DYM: variants seen among roughly 807,000 people sequenced by gnomAD.
The protein encoded by DYM is dymeclin, also known as dyggve-Melchior-Clausen syndrome protein.
A neutral mutation model predicts 93.1 loss-of-function variants in DYM; 78 were observed. The ratio of observed to expected loss-of-function variants is 0.84; its 90% confidence interval spans 0.70 to 1.01. The LOEUF is 1.01. Among genes scored for constraint, DYM ranks in the 50% least tolerant of loss-of-function variants. The pLI is 0.00. For synonymous variants in DYM, 321 were observed against 319.7 expected, an observed-to-expected ratio of 1.00 and a Z score of -0.04; for missense variants, 789 against 845.0, an observed-to-expected ratio of 0.93 and a Z score of 0.82.
chr18:49,409,782 T>C (rs1218821854), intron 2 of DYM, among the ~76,000 whole-genome samples: 2 of 152,174 alleles, frequency 1.3e-5, no homozygotes, highest in East Asian at 3.8e-4. Flanking sequence ...TATGAAAATA[T>C]GCAAGAGGTA....
chr18:49,159,999 T>C (rs1234355966), intron 15 of DYM, among the ~76,000 whole-genome samples: 1 of 152,180 alleles, frequency 6.6e-6, no homozygotes, highest in Non-Finnish European at 1.5e-5. Flanking sequence ...CAAACTTCTC[T>C]GAAAGTTCAG....
At position 49,209,709 on chromosome 18, in the gene DYM, G is replaced by A; in HGVS notation, c.1467C>T (p.Thr489=). 7.9e-7 allele frequency: 1 copy of A among 1,269,680 alleles called. No individual in the cohort carries two copies. The highest frequency in any genetic ancestry group is 1.0e-6 in the Non-Finnish European group (1 of 977,484). 78.7% of individuals were successfully genotyped at this position (1,269,680 alleles called of 1,614,324 possible). A position where few individuals can be genotyped will look rare whatever the true frequency, so the allele number is the denominator to read the frequency against. ...AAACATATCTCCGCAAGTGGCGGCAGGTATAACTGAAAGACAAAGGTAAAA... is the reference window on the plus strand; with the variant it reads ...AAACATATCTCCGCAAGTGGCGGCAAGTATAACTGAAAGACAAAGGTAAAA... ...QYAAQRIISY[T]CRHLRRYVYV... is the part of the protein sequence containing the mutation. Residue 489 remains threonine (T), a synonymous_variant, in exon 14 of 18, where the codon ACC becomes ACT. Transcript: ENST00000675505.
At chr18:49,164,763 A>G (rs2087650068) in intron 14 of DYM, among the ~76,000 whole-genome samples, 1 of 152,200 alleles carries the variant, frequency 6.6e-6, no homozygotes, top group South Asian at 2.1e-4. Flanking sequence ...GGGATATTGG[A>G]GCTCCAACCA....
chr18:49,195,620 C>T (rs1421958667), intron 14 of DYM, among the ~76,000 whole-genome samples: 1 of 152,114 alleles, frequency 6.6e-6, no homozygotes, highest in Non-Finnish European at 1.5e-5. Flanking sequence ...GCCAAAGCAC[C>T]CTACCCACTC....
intron 2 of DYM, among the ~76,000 whole-genome samples, chr18:49,407,379 A>C (rs1421675291): frequency 1.3e-5 from 2 of 152,200 alleles, no homozygotes; most frequent in Non-Finnish European, 2.9e-5. Context: ...CCGGAGCCTG[A>C]GTAATTTATA....
chr18:49,270,566 T>C (rs1011310485), intron 11 of DYM, among the ~76,000 whole-genome samples: 13 of 152,150 alleles, frequency 8.5e-5, no homozygotes, highest in African/African-American at 1.2e-4. Flanking sequence ...GAGAGTATCA[T>C]TGCTCTTGCC....
chr18:49,381,556 C>A (rs1237785845), intron 3 of DYM, among the ~76,000 whole-genome samples: 1 of 152,232 alleles, frequency 6.6e-6, no homozygotes, highest in African/African-American at 2.4e-5. Context: ...ATACTCCTAA[C>A]TGAAGCTGAC....
chr18:49,100,970 A>G (rs1326364163), intron 16 of DYM, among the ~76,000 whole-genome samples: 2 of 152,226 alleles, frequency 1.3e-5, no homozygotes, highest in African/African-American at 4.8e-5. Flanking sequence ...TGTTCAGCCA[A>G]ACCTTTCAGA....
intron 14 of DYM, among the ~76,000 whole-genome samples, chr18:49,186,325 C>G (rs1185815619): frequency 1.3e-5 from 2 of 152,120 alleles, no homozygotes; most frequent in Admixed American, 6.5e-5. Flanking sequence ...ATTTAAAGCA[C>G]AACTTTTTTT....
intron 15 of DYM, among the ~76,000 whole-genome samples, chr18:49,158,722 C>T (rs1207598887): frequency 6.6e-6 from 1 of 151,962 alleles, no homozygotes; most frequent in Admixed American, 6.6e-5. Flanking sequence ...TGGCTTGTTT[C>T]ACTTAACAAG....
At chr18:49,094,603 T>C (rs554161852) in intron 17 of DYM, among the ~76,000 whole-genome samples, 3 of 152,340 alleles carry the variant, frequency 2.0e-5, no homozygotes, top group South Asian at 2.1e-4. Flanking sequence ...GTTGTTTAAC[T>C]ATATAGACAG....
intron 17 of DYM, among the ~76,000 whole-genome samples, chr18:49,065,054 T>C (rs923485070): frequency 6.6e-6 from 1 of 152,104 alleles, no homozygotes; most frequent in Admixed American, 6.5e-5. Context: ...GTTTAAGTTA[T>C]GCTTAAAAGT....
intron 15 of DYM, among the ~76,000 whole-genome samples, chr18:49,146,010 A>G (rs1350621435): frequency 6.6e-6 from 1 of 151,880 alleles, no homozygotes; most frequent in Non-Finnish European, 1.5e-5. Flanking sequence ...TTTTCTATTG[A>G]TTCCCTACCA....
intron 15 of DYM, among the ~76,000 whole-genome samples, chr18:49,149,245 T>C (rs974177739): frequency 6.6e-6 from 1 of 152,034 alleles, no homozygotes; most frequent in Non-Finnish European, 1.5e-5. Flanking sequence ...AGATGAAGCT[T>C]TGCTCACTTG....
rs189297981 is a variant in DYM at position 49,334,359 on chromosome 18, T to C, written c.495-506A>G. Reference sequence around the variant, plus strand: ...TACCTTTCTCAAGGTCAACTTTGCATGTTCAGCAAAATATTAACAGTAAAC... The same window carrying C: ...TACCTTTCTCAAGGTCAACTTTGCACGTTCAGCAAAATATTAACAGTAAAC... On this transcript the variant is annotated intron_variant, in intron 6 of 17. Coordinates refer to ENST00000675505, the MANE Select transcript of DYM (RefSeq NM_001353214.3). 3.3e-4 allele frequency among the ~76,000 whole-genome samples: 50 copies of C among 152,372 alleles called. No homozygotes were observed. The East Asian group carries it at 7.5e-3, about 23-fold the overall frequency.
intron 8 of DYM, among the ~76,000 whole-genome samples, chr18:49,328,082 T>C (rs2063031398): frequency 6.6e-6 from 1 of 152,196 alleles, no homozygotes; most frequent in Non-Finnish European, 1.5e-5. Flanking sequence ...GAAAATCTCT[T>C]CATCCATCAT....
Position 49,071,954 on chromosome 18 carries a change from G to A in DYM, c.2025+25448C>T, listed in dbSNP as rs115411969. ...CAGCCATAATAACTGCCACATGCAC[G>A]CTGCGCCTTACCCCTGGGCCTGCTA... On this transcript the variant is annotated intron_variant, in intron 17 of 17. Transcript: ENST00000675505. Among the ~76,000 whole-genome samples, 767 of 152,242 alleles carry A rather than the reference G, an allele frequency of 5.0e-3. 5 individuals are homozygous for A. The highest frequency in any genetic ancestry group is 0.018 in the African/African-American group (740 of 41,536).
In DYM at chr18:49,163,595, C is replaced by T. The variant is rs551570658; in HGVS notation, c.1728+90G>A. On this transcript the variant is annotated intron_variant, in intron 15 of 17. Coordinates refer to ENST00000675505, the MANE Select transcript of DYM (RefSeq NM_001353214.3). The stretch of plus-strand genomic sequence containing the variant: ...TCCCGACCAAGTGATCCATCTGCCT[C>T]GGCCTCCCAAAGTGCTGGGATTACA... The T allele has an allele frequency of 4.9e-4, 400 of 811,304 alleles. 1 individual carries two copies. Among genetic ancestry groups the T allele is most frequent in the Admixed American group, 8.7e-4 (43 of 49,158 alleles). The allele number at this position is 811,304 out of a possible 1,614,324, so 50.3% of individuals were successfully genotyped here.
rs148243017 is a variant in DYM, at chr18:49,455,750, G to C, written c.-54+4648C>G. Among the ~76,000 whole-genome samples the C allele has an allele frequency of 1.2e-3, 175 of 152,172 alleles. 2 individuals are homozygous for C. Among genetic ancestry groups the C allele is most frequent in the African/African-American group, 4.1e-3 (171 of 41,528 alleles). On this transcript the variant is annotated intron_variant, in intron 1 of 17. Coordinates refer to ENST00000675505, the MANE Select transcript of DYM (RefSeq NM_001353214.3). ...GTGGATCACCTGAGGTCAGGAGTTCGAGACAGCCTGGGCAAAATGGTGAAA... is the reference window on the plus strand; with the variant it reads ...GTGGATCACCTGAGGTCAGGAGTTCCAGACAGCCTGGGCAAAATGGTGAAA...
Sources: allele counts gnomAD v4.1 joint callset (sites outside exome capture counted in the v4.1 genomes callset), GRCh38; gene constraint gnomAD v4.1.1; transcripts MANE v1.5; gene names NCBI Gene and HGNC (gene_info 2026-07-23, HGNC 2026-07-21).